SCLT1: variants seen among roughly 807,000 people sequenced by gnomAD.
SCLT1 encodes the protein sodium channel-associated protein 1.
In SCLT1, 78 loss-of-function variants were observed where a neutral mutation model predicts 112.8. The observed-to-expected ratio is 0.69, with a 90% CI of 0.58 to 0.83. The LOEUF (loss-of-function observed/expected upper bound fraction) is 0.83. Among genes scored for constraint, SCLT1 ranks in the 40% least tolerant of loss-of-function variants. SCLT1 has a pLI of 0.00. For synonymous variants in SCLT1, 257 were observed against 254.7 expected, an observed-to-expected ratio of 1.01 and a Z score of -0.09; for missense variants, 747 against 770.4, an observed-to-expected ratio of 0.97 and a Z score of 0.36.
intron 18 of SCLT1, among the ~76,000 whole-genome samples, chr4:128,909,026 T>C (rs1734899353): frequency 6.6e-6 from 1 of 152,178 alleles, no homozygotes. Context: ...TACATCACTA[T>C]TGCCTCATTT....
At chr4:129,072,132 A>G (rs1474560541) in intron 2 of SCLT1, among the ~76,000 whole-genome samples, 1 of 152,160 alleles carries the variant, frequency 6.6e-6, no homozygotes, top group Non-Finnish European at 1.5e-5. Flanking sequence ...AAGAGGCTGA[A>G]GATAGTGCCC....
chr4:129,045,376 A>C (rs936260128), intron 2 of SCLT1, among the ~76,000 whole-genome samples: 1 of 152,236 alleles, frequency 6.6e-6, no homozygotes. Context: ...AGACACCAAA[A>C]GCAAAGTTAA....
intron 8 of SCLT1, among the ~76,000 whole-genome samples, chr4:128,994,145 C>A (rs772911756): frequency 1.3e-5 from 2 of 151,948 alleles, no homozygotes; most frequent in African/African-American, 2.4e-5. Flanking sequence ...CTTGTTTGAC[C>A]GAAACTTCAT....
chr4:129,057,820 C>T (rs562347122), intron 2 of SCLT1, among the ~76,000 whole-genome samples: 5 of 151,138 alleles, frequency 3.3e-5, no homozygotes, highest in African/African-American at 7.3e-5. Flanking sequence ...GGCATGATCT[C>T]GACTCACTGC....
chr4:129,014,353 C>T (rs1412875017), intron 5 of SCLT1, among the ~76,000 whole-genome samples: 1 of 152,094 alleles, frequency 6.6e-6, no homozygotes, highest in Non-Finnish European at 1.5e-5. Context: ...TCTGTATAGG[C>T]AATGGGGTAG....
At chr4:128,928,399 G>A (rs910372915) in intron 18 of SCLT1, among the ~76,000 whole-genome samples, 1 of 152,028 alleles carries the variant, frequency 6.6e-6, no homozygotes, top group African/African-American at 2.4e-5. Flanking sequence ...TATATATAAG[G>A]AGAATGCATT....
chr4:128,964,690 A>G (rs1015294772), intron 11 of SCLT1, among the ~76,000 whole-genome samples: 6 of 152,124 alleles, frequency 3.9e-5, no homozygotes, highest in Non-Finnish European at 7.4e-5. Context: ...CTGTAACTGT[A>G]TTATTTGCAG....
In SCLT1 at chr4:129,067,138, ATAAGATATATAAAGTGTT is replaced by A. The variant is rs1320949994; in HGVS notation, c.102+15150_102+15167del. Among the ~76,000 whole-genome samples the A allele has an allele frequency of 4.3e-4, 65 of 152,290 alleles. 2 individuals are homozygous for A. The Middle Eastern group carries it at 0.031, about 72-fold the overall frequency. On this transcript the variant is annotated intron_variant, in intron 2 of 20. Coordinates refer to ENST00000281142, the MANE Select transcript of SCLT1 (RefSeq NM_144643.4). ...GTATATAAATTTTTCAAAATAAAGAATAAGATATATAAAGTGTTTAACCTAATTCCTGACATAGAAAAC... is the reference window on the plus strand; with the variant it reads ...GTATATAAATTTTTCAAAATAAAGAATAACCTAATTCCTGACATAGAAAAC...
At chr4:129,077,275 T>G (rs1751547784) in intron 2 of SCLT1, among the ~76,000 whole-genome samples, 4 of 152,088 alleles carry the variant, frequency 2.6e-5, no homozygotes, top group Admixed American at 2.6e-4. Flanking sequence ...ATACAAGAAA[T>G]AAATATCAAA....
intron 5 of SCLT1, 76 bp from the exon 6 acceptor site, chr4:129,003,952 C>T: frequency 1.5e-6 from 2 of 1,320,198 alleles, no homozygotes; most frequent in South Asian, 1.3e-5. Flanking sequence ...GTCAATTAAA[C>T]ATTTGGGTCA....
intron 5 of SCLT1, among the ~76,000 whole-genome samples, chr4:129,027,994 G>A (rs564203453): frequency 6.6e-6 from 1 of 152,114 alleles, no homozygotes; most frequent in African/African-American, 2.4e-5. Flanking sequence ...TCTTCAAGGA[G>A]AACTACAAAC....
intron 1 of SCLT1, among the ~76,000 whole-genome samples, chr4:129,083,609 A>C (rs762649825): frequency 1.3e-5 from 2 of 152,140 alleles, no homozygotes; most frequent in Non-Finnish European, 2.9e-5. Flanking sequence ...TTGAGGCTAC[A>C]GTGAGCTATG....
chr4:128,959,256 T>C lies in SCLT1; in HGVS notation c.1047+344A>G, dbSNP rs149314398. On this transcript the variant is annotated intron_variant, in intron 12 of 20. Coordinates refer to ENST00000281142, the MANE Select transcript of SCLT1 (RefSeq NM_144643.4). The stretch of plus-strand genomic sequence containing the variant: ...TGAAGGGGAATAGAGACGGGTAAGA[T>C]TTATCAGATTCAACTGAATAAAATA... Among the ~76,000 whole-genome samples, 248 of 152,166 alleles carry C rather than the reference T, an allele frequency of 1.6e-3. 2 individuals carry two copies. The highest frequency in any genetic ancestry group is 0.014 in the East Asian group (70 of 5,174).
At chr4:129,073,349 G>A (rs72926058) in intron 2 of SCLT1, among the ~76,000 whole-genome samples, 2,190 of 152,194 alleles carry the variant, frequency 0.014, 47 homozygotes, top group African/African-American at 0.044. Flanking sequence ...CAATTGTTCA[G>A]AAGTTACTTA....
intron 2 of SCLT1, among the ~76,000 whole-genome samples, chr4:129,069,837 C>T (rs1446995163): frequency 6.6e-6 from 1 of 152,082 alleles, no homozygotes; most frequent in Non-Finnish European, 1.5e-5. Flanking sequence ...TGTTCCAGTT[C>T]TCAGAGAGAA....
intron 18 of SCLT1, among the ~76,000 whole-genome samples, chr4:128,935,431 G>T (rs34095098): frequency 3.3e-5 from 5 of 151,938 alleles, no homozygotes; most frequent in Non-Finnish European, 5.9e-5. Flanking sequence ...AAACATAATG[G>T]TTAAGAGCAT....
chr4:128,972,785 C>T (rs1355112043), intron 9 of SCLT1, among the ~76,000 whole-genome samples: 4 of 152,112 alleles, frequency 2.6e-5, no homozygotes, highest in South Asian at 2.1e-4. Flanking sequence ...CACTGATGGT[C>T]TCCTCTTTTG....
At chr4:128,900,556 C>A (rs1191560664) in intron 18 of SCLT1, among the ~76,000 whole-genome samples, 2 of 152,184 alleles carry the variant, frequency 1.3e-5, no homozygotes, top group African/African-American at 4.8e-5. Flanking sequence ...AAATGTTAGA[C>A]CTAAAACTAT....
chr4:128,937,355 TTA>T (rs1233653261), intron 17 of SCLT1, among the ~76,000 whole-genome samples: 2 of 152,088 alleles, frequency 1.3e-5, no homozygotes, highest in Non-Finnish European at 2.9e-5. Context: ...ACTTATAATG[TTA>T]TGTCAGTAAA....
Sources: allele counts gnomAD v4.1 joint callset (sites outside exome capture counted in the v4.1 genomes callset), GRCh38; gene constraint gnomAD v4.1.1; transcripts MANE v1.5; gene names NCBI Gene and HGNC (gene_info 2026-07-23, HGNC 2026-07-21).